The following SYK variants were observed in gnomAD, a reference collection of about 807,000 sequenced individuals.
The protein encoded by SYK is tyrosine-protein kinase SYK.
Under a neutral mutation model 77.8 loss-of-function variants are expected in SYK, and 16 were observed. The ratio of observed to expected loss-of-function variants is 0.21; its 90% CI spans 0.14 to 0.31. The LOEUF (loss-of-function observed/expected upper bound fraction) is 0.31, where lower values mean the gene tolerates loss of function less well. Among genes scored for constraint, SYK ranks in the 10% least tolerant of loss-of-function variants. SYK has a pLI of 1.00. For synonymous variants in SYK, 312 were observed against 308.7 expected (o/e 1.01, Z -0.11); for missense variants, 529 against 814.4 (o/e 0.65, Z 4.26).
chr9:90,840,569 A>C (rs1026089880), intron 1 of SYK, among the ~76,000 whole-genome samples: 1 of 151,678 alleles, frequency 6.6e-6, no homozygotes, highest in Non-Finnish European at 1.5e-5. Flanking sequence ...AAAAAAAAAA[A>C]AAAAAAACTG....
At chr9:90,853,709 T>C (rs2118716794) in intron 3 of SYK, among the ~76,000 whole-genome samples, 1 of 151,924 alleles carries the variant, frequency 6.6e-6, no homozygotes, top group South Asian at 2.1e-4. Flanking sequence ...CATCACACTC[T>C]GGGGACTGTT....
At chr9:90,876,970 T>C (rs1827959218) in intron 9 of SYK, among the ~76,000 whole-genome samples, 1 of 152,376 alleles carries the variant, frequency 6.6e-6, no homozygotes, top group South Asian at 2.1e-4. Context: ...GTGAAGTTTA[T>C]TTACAAGTTA....
chr9:90,831,291 A>C (rs569993344), intron 1 of SYK, among the ~76,000 whole-genome samples: 1 of 152,330 alleles, frequency 6.6e-6, no homozygotes, highest in East Asian at 1.9e-4. Flanking sequence ...GCCATGCTTC[A>C]GTGGGTCTCA....
intron 1 of SYK, among the ~76,000 whole-genome samples, chr9:90,811,141 A>T (rs1825056478): frequency 2.0e-5 from 3 of 152,220 alleles, no homozygotes; most frequent in Non-Finnish European, 4.4e-5. Flanking sequence ...ATTCACACTC[A>T]TCACAAGATT....
Position 90,844,286 on chromosome 9 carries a change from G to A in SYK, c.388G>A (p.Glu130Lys). The A allele has an allele frequency of 6.2e-7, 1 of 1,612,300 alleles. No homozygotes were observed. Among genetic ancestry groups the A allele is most frequent in the Non-Finnish European group, 8.5e-7 (1 of 1,179,022 alleles). Residue 130 changes from glutamate (E) to lysine (K), a missense_variant, in exon 2 of 14, where the codon GAA becomes AAA. By Grantham distance (56) the Glu-to-Lys change is moderately conservative. This residue lies in a region of SYK where 321 missense variants were observed against 433.1 expected (regional missense o/e 0.74). Transcript: ENST00000375754. The stretch of plus-strand genomic sequence containing the variant: ...GGATTTGAAGGAAAACCTCATCAGG[G>A]AATATGTGAAGCAGACATGGAACCT... ...FEDLKENLIR[E>K]YVKQTWNLQG...
In SYK at chr9:90,897,725, C is replaced by T. The variant is rs1426504082; in HGVS notation, c.*2125C>T. 1 of 224,344 alleles carries T rather than the reference C, an allele frequency of 4.5e-6. No homozygotes were observed. The highest frequency in any genetic ancestry group is 1.8e-4 in the South Asian group (1 of 5,452). The allele number at this position is 224,344 out of a possible 1,614,324, so 13.9% of individuals were successfully genotyped here. A position where few individuals can be genotyped will look rare whatever the true frequency, so the allele number is the denominator to read the frequency against. The stretch of plus-strand genomic sequence containing the variant: ...TGATGGGACAAGATGGGGGCAGGGG[C>T]CTCACCTCCCTGCAGAGGTCCGGCC... On this transcript the variant is annotated 3_prime_UTR_variant, in exon 14 of 14. Transcript: ENST00000375754.
intron 3 of SYK, among the ~76,000 whole-genome samples, chr9:90,861,557 G>GGGAC: frequency 4.1e-5 from 1 of 24,338 alleles, no homozygotes; most frequent in East Asian, 5.3e-3. Context: ...CAGTGGGAGA[G>GGGAC]TGGAAGTCCA....
At chr9:90,852,165 A>G (rs1467106929) in intron 3 of SYK, among the ~76,000 whole-genome samples, 1 of 152,224 alleles carries the variant, frequency 6.6e-6, no homozygotes, top group Non-Finnish European at 1.5e-5. Flanking sequence ...TTCATTATTA[A>G]TAATATCATG....
At chr9:90,863,926 C>A (rs1264097335) in intron 4 of SYK, among the ~76,000 whole-genome samples, 1 of 152,236 alleles carries the variant, frequency 6.6e-6, no homozygotes, top group Non-Finnish European at 1.5e-5. Context: ...TCCCAAGAAT[C>A]TTTACTATTT....
At chr9:90,845,725 C>A in intron 3 of SYK, 131 bp downstream of exon 3, 1 of 1,037,786 alleles carries the variant, frequency 9.6e-7, no homozygotes, top group Non-Finnish European at 1.4e-6. Context: ...TGACAACATG[C>A]ATGCTGGCCT....
intron 3 of SYK, among the ~76,000 whole-genome samples, chr9:90,850,141 A>G (rs1826762053): frequency 6.6e-6 from 1 of 152,206 alleles, no homozygotes; most frequent in African/African-American, 2.4e-5. Context: ...CTCTGTGGCT[A>G]TGAATAGATA....
rs995979782 is a variant in SYK, at chr9:90,858,894, C to T, written c.579-3312C>T. 2.6e-5 allele frequency among the ~76,000 whole-genome samples: 4 copies of T among 152,174 alleles called. 1 individual carries two copies. The highest frequency in any genetic ancestry group is 5.9e-5 in the Non-Finnish European group (4 of 68,020). The stretch of plus-strand genomic sequence containing the variant: ...CCAGTTACCTGTTGCCAGGACTGGC[C>T]AGGGCTGCTTGGTGGAGCACAGGAA... On this transcript the variant is annotated intron_variant, in intron 3 of 13. Transcript: ENST00000375754.
intron 13 of SYK, among the ~76,000 whole-genome samples, chr9:90,894,476 C>T (rs1478811477): frequency 6.6e-6 from 1 of 152,120 alleles, no homozygotes; most frequent in Admixed American, 6.5e-5. Context: ...ACAAAGCTAC[C>T]CATTTTGATT....
At chr9:90,828,239 C>G (rs1312160777) in intron 1 of SYK, among the ~76,000 whole-genome samples, 1 of 95,218 alleles carries the variant, frequency 1.1e-5, no homozygotes, top group Non-Finnish European at 2.4e-5. Context: ...ACCCCCGCCC[C>G]CCCCCCCGCC....
chr9:90,874,381 C>T (rs1411098111), intron 8 of SYK, 90 bp downstream of exon 8: 10 of 1,321,504 alleles, frequency 7.6e-6, no homozygotes, highest in Non-Finnish European at 1.1e-6. Flanking sequence ...ATCCACACCA[C>T]GTCCGTGATT....
intron 1 of SYK, among the ~76,000 whole-genome samples, chr9:90,809,756 G>T (rs934625924): frequency 6.6e-6 from 1 of 152,156 alleles, no homozygotes; most frequent in Non-Finnish European, 1.5e-5. Flanking sequence ...CGAGCCCCTA[G>T]CTGTGAGTGT....
At chr9:90,802,308 C>A (rs1587790462) in intron 1 of SYK, among the ~76,000 whole-genome samples, 1 of 152,204 alleles carries the variant, frequency 6.6e-6, no homozygotes, top group African/African-American at 2.4e-5. Context: ...TACACGAATC[C>A]ACTGGAAAAT....
At chr9:90,882,782 G>A (rs1220977386) in intron 11 of SYK, among the ~76,000 whole-genome samples, 1 of 152,176 alleles carries the variant, frequency 6.6e-6, no homozygotes, top group Non-Finnish European at 1.5e-5. Flanking sequence ...GGAGCGACAG[G>A]AAGCACCAAA....
chr9:90,882,481 A>T (rs1427806186), intron 11 of SYK, among the ~76,000 whole-genome samples: 1 of 152,098 alleles, frequency 6.6e-6, no homozygotes, highest in African/African-American at 2.4e-5. Flanking sequence ...AGATAACCAG[A>T]CTCCGCTGTG....
Sources: gnomAD v4.1 joint callset for allele counts (sites outside exome capture counted in the v4.1 genomes callset) on GRCh38, gnomAD v4.1.1 for gene constraint, gnomAD v4.1.1 regional missense constraint, MANE v1.5 for transcripts, NCBI Gene and HGNC (gene_info 2026-07-23, HGNC 2026-07-21) for gene names.